Variants in SGTB observed in about 807,000 individuals in gnomAD.
The protein encoded by SGTB is small glutamine-rich tetratricopeptide repeat-containing protein beta.
Under a neutral mutation model 43.9 loss-of-function variants are expected in SGTB, and 19 were observed. The ratio of observed to expected loss-of-function variants is 0.43; its 90% CI spans 0.30 to 0.63. The LOEUF is 0.63. Among genes scored for constraint, SGTB ranks in the 30% least tolerant of loss-of-function variants. The pLI, the probability that SGTB is intolerant of heterozygous loss-of-function variation, is 0.12. For missense variants in SGTB, 304 were observed against 358.9 expected (o/e 0.85, Z 1.24); for synonymous variants, 116 against 117.3 (o/e 0.99, Z 0.07).
intron 2 of SGTB, among the ~76,000 whole-genome samples, chr5:65,718,119 G>A (rs1758186003): frequency 6.6e-6 from 1 of 152,124 alleles, no homozygotes; most frequent in Non-Finnish European, 1.5e-5. Context: ...GTTTGGGATA[G>A]AGATTAGGGA....
At chr5:65,682,589 C>T (rs905864617) in intron 6 of SGTB, among the ~76,000 whole-genome samples, 7 of 152,182 alleles carry the variant, frequency 4.6e-5, no homozygotes, top group South Asian at 2.1e-4. Context: ...AGTATCAGTA[C>T]TTATGTCAGG....
At chr5:65,714,113 T>C (rs919583392) in intron 2 of SGTB, among the ~76,000 whole-genome samples, 1 of 152,172 alleles carries the variant, frequency 6.6e-6, no homozygotes, top group Non-Finnish European at 1.5e-5. Context: ...ATTATTTTTT[T>C]AAAAAATGTG....
intron 6 of SGTB, among the ~76,000 whole-genome samples, chr5:65,681,336 T>C (rs57065179): frequency 0.039 from 5,984 of 152,206 alleles, 393 homozygotes; most frequent in African/African-American, 0.13. Context: ...TCCTTTACAA[T>C]TCAAATAACA....
rs540914315 is a variant in SGTB at position 65,708,339 on chromosome 5, C to G, written c.274+150G>C. On this transcript the variant is annotated intron_variant, in intron 4 of 10. Coordinates refer to ENST00000381007, the MANE Select transcript of SGTB (RefSeq NM_019072.3). ...CCATTCTGTACTTCCAGGCTTCTTA[C>G]CCATCACATTCATTTCTGTTTCGTA... is the stretch of plus-strand genomic sequence containing the variant. 9.9e-6 allele frequency: 6 copies of G among 603,162 alleles called. No homozygotes were observed. In the Admixed American group the frequency reaches 1.7e-4, roughly 17 times the overall value. 37.4% of individuals were successfully genotyped at this position (603,162 alleles called of 1,614,324 possible).
At chr5:65,713,532 G>C (rs1758088736) in intron 2 of SGTB, among the ~76,000 whole-genome samples, 1 of 151,876 alleles carries the variant, frequency 6.6e-6, no homozygotes, top group Non-Finnish European at 1.5e-5. Context: ...TGCCCAGGCT[G>C]GTCTCAAACT....
chr5:65,714,960 TAA>T (rs1353003197), intron 2 of SGTB, among the ~76,000 whole-genome samples: 1 of 152,212 alleles, frequency 6.6e-6, no homozygotes, highest in Non-Finnish European at 1.5e-5. Context: ...TGTTTAGAAC[TAA>T]AAGTCTGGCA....
Position 65,680,681 on chromosome 5 carries a change from T to C in SGTB, c.593A>G (p.Gln198Arg). The C allele has an allele frequency of 6.2e-7, 1 of 1,614,124 alleles. No homozygotes were observed. The highest frequency in any genetic ancestry group is 8.5e-7 in the Non-Finnish European group (1 of 1,180,006). The change falls in exon 7 of 11, where the codon CAG becomes CGG. Residue 198 changes from glutamine to arginine, a missense_variant. By Grantham distance (43) the Gln-to-Arg change is conservative. Transcript: ENST00000381007. ...AGGACTGGATACCTCTCTTAACTTC[T>C]GTTCTGCTATTTTCAGATTTGACTT... is the stretch of plus-strand genomic sequence containing the variant. The part of the protein sequence containing the change: ...SYKSNLKIAE[Q>R]KLREVSSPTG...
At chr5:65,693,264 G>A (rs1473304672) in intron 5 of SGTB, among the ~76,000 whole-genome samples, 4 of 148,678 alleles carry the variant, frequency 2.7e-5, no homozygotes, top group Non-Finnish European at 6.0e-5. Flanking sequence ...AAGGAAGGAA[G>A]GAAGGAACGA....
chr5:65,676,227 C>A (rs771913399), intron 8 of SGTB, among the ~76,000 whole-genome samples: 1 of 151,280 alleles, frequency 6.6e-6, no homozygotes, highest in Non-Finnish European at 1.5e-5. Flanking sequence ...CAAAGAAGAT[C>A]AAAAAAGACA....
At position 65,708,572 on chromosome 5, in the gene SGTB, A is replaced by T. The variant is rs754584294; in HGVS notation, c.205-14T>A. 2 of 1,607,864 alleles carry T rather than the reference A, an allele frequency of 1.2e-6. No homozygotes were observed. Among genetic ancestry groups the T allele is most frequent in the East Asian group, 4.5e-5 (2 of 44,752 alleles). Reference sequence around the variant, plus strand: ...CAGAACGTCATTCTGAAATTAAATAAAAATCAATGCACTTCCCTTTAGCTA... The same window carrying T: ...CAGAACGTCATTCTGAAATTAAATATAAATCAATGCACTTCCCTTTAGCTA... On this transcript the variant is annotated splice_polypyrimidine_tract_variant and intron_variant, in intron 3 of 10. Transcript: ENST00000381007.
chr5:65,722,693 A>C, upstream of SGTB: 1 of 480,300 alleles, frequency 2.1e-6, no homozygotes, highest in Non-Finnish European at 3.7e-6. Flanking sequence ...GCGGCCCAAA[A>C]TGAATGCAAA....
chr5:65,717,829 C>A (rs1167816382), intron 2 of SGTB, among the ~76,000 whole-genome samples: 2 of 152,082 alleles, frequency 1.3e-5, no homozygotes, highest in African/African-American at 2.4e-5. Flanking sequence ...GTGTGTTTTG[C>A]TCCATTTATT....
At chr5:65,700,623 G>A (rs1259925184) in intron 5 of SGTB, among the ~76,000 whole-genome samples, 1 of 149,612 alleles carries the variant, frequency 6.7e-6, no homozygotes, top group African/African-American at 2.5e-5. Flanking sequence ...GGAGCTTGCA[G>A]TGAGCCAAGA....
At chr5:65,714,248 T>G (rs1758105810) in intron 2 of SGTB, among the ~76,000 whole-genome samples, 1 of 152,074 alleles carries the variant, frequency 6.6e-6, no homozygotes, top group Non-Finnish European at 1.5e-5. Flanking sequence ...AAAAATTCAT[T>G]CATCTATGCA....
chr5:65,669,277 T>C lies in SGTB; in HGVS notation c.*969A>G, dbSNP rs1757106612. 1 of 152,162 alleles carries C rather than the reference T, an allele frequency of 6.6e-6. No homozygotes were observed. Among genetic ancestry groups the C allele is most frequent in the Admixed American group, 6.6e-5 (1 of 15,264 alleles). The allele number at this position is 152,162 out of a possible 1,614,324, so 9.4% of individuals were successfully genotyped here. A position where few individuals can be genotyped will look rare whatever the true frequency, so the allele number is the denominator to read the frequency against. The stretch of plus-strand genomic sequence containing the variant: ...TATCCATCAAATAATTACTAAGTTT[T>C]CTTTTTAAAAAAAATCAGTGTTTAT... On this transcript the variant is annotated 3_prime_UTR_variant, in exon 11 of 11. Transcript: ENST00000381007.
chr5:65,678,769 T>TA (rs1459725665), intron 8 of SGTB, among the ~76,000 whole-genome samples: 3 of 152,186 alleles, frequency 2.0e-5, no homozygotes, highest in Admixed American at 1.3e-4. Context: ...TAAGTGTTGC[T>TA]GAGAGAATTG....
In SGTB at chr5:65,720,827, T is replaced by C; in HGVS notation, c.-20A>G. 1 of 1,599,926 alleles carries C rather than the reference T, an allele frequency of 6.3e-7. No homozygotes were observed. The highest frequency in any genetic ancestry group is 1.1e-5 in the South Asian group (1 of 87,474). On this transcript the variant is annotated splice_region_variant and 5_prime_UTR_variant, in exon 2 of 11. Coordinates refer to ENST00000381007, the MANE Select transcript of SGTB (RefSeq NM_019072.3). ...TGACATTTTAGAAGCTTAAACACTT[T>C]TCCTTGATAAGAAAAATGAAAACAC...
chr5:65,711,342 TAG>T (rs1430340283), intron 3 of SGTB, among the ~76,000 whole-genome samples: 3 of 151,942 alleles, frequency 2.0e-5, no homozygotes, highest in East Asian at 1.9e-4. Flanking sequence ...AAAAGTCAAT[TAG>T]AGTTTCCTGA....
At position 65,680,872 on chromosome 5, in the gene SGTB, G is replaced by T. The variant is rs911884159; in HGVS notation, c.480-78C>A. 105 of 1,431,042 alleles carry T rather than the reference G, an allele frequency of 7.3e-5. No homozygotes were observed. In the Admixed American group the frequency reaches 2.1e-3, roughly 28 times the overall value. The allele number at this position is 1,431,042 out of a possible 1,614,324, so 88.6% of individuals were successfully genotyped here. On this transcript the variant is annotated intron_variant, in intron 6 of 10. Transcript: ENST00000381007. ...ACATCACAAACATCGTCAAACGTCTGTCTGTCTTGGTATTCAGTTCTAATC... is the reference window on the plus strand; with the variant it reads ...ACATCACAAACATCGTCAAACGTCTTTCTGTCTTGGTATTCAGTTCTAATC...
Sources: gnomAD v4.1 joint callset for allele counts (sites outside exome capture counted in the v4.1 genomes callset) on GRCh38, gnomAD v4.1.1 for gene constraint, MANE v1.5 for transcripts, NCBI Gene and HGNC (gene_info 2026-07-23, HGNC 2026-07-21) for gene names.